Variants in ENTPD6 observed in about 807,000 individuals in gnomAD.
ENTPD6 encodes the protein ectonucleoside triphosphate diphosphohydrolase 6.
In ENTPD6, 46 loss-of-function variants were observed where a neutral mutation model predicts 61.5. The ratio of observed to expected loss-of-function variants is 0.75; its 90% CI spans 0.59 to 0.96. The LOEUF is 0.96. ENTPD6 is among the 40% of genes least tolerant of loss of function. The pLI is 0.00. For synonymous variants in ENTPD6, 252 were observed against 255.5 expected (o/e 0.99, Z 0.13); for missense variants, 612 against 629.0 (o/e 0.97, Z 0.29).
chr20:25,206,388 A>G (rs1013925422), intron 1 of ENTPD6, 134 bp from the exon 2 acceptor site: 19 of 672,566 alleles, frequency 2.8e-5, no homozygotes, highest in Admixed American at 2.4e-5. Context: ...GGAGCAGCCA[A>G]TGAAACTTGA....
intron 3 of ENTPD6, among the ~76,000 whole-genome samples, chr20:25,209,057 C>T (rs1351902781): frequency 2.6e-5 from 4 of 151,542 alleles, no homozygotes; most frequent in Non-Finnish European, 4.4e-5. Flanking sequence ...GCTGGGACTA[C>T]AGATGCCCAT....
intron 3 of ENTPD6, among the ~76,000 whole-genome samples, chr20:25,209,321 A>G (rs1438574376): frequency 6.6e-6 from 1 of 151,722 alleles, no homozygotes; most frequent in African/African-American, 2.4e-5. Context: ...CATATTCGCC[A>G]GGATGGTCTC....
chr20:25,195,788 G>A lies in ENTPD6; in HGVS notation c.-95G>A. Reference sequence around the variant, plus strand: ...CGGGGTGGCGCCGGCCGGGGCGGGGGAGCCCAAAAGACCGGCTGCCGCCTG... The same window carrying A: ...CGGGGTGGCGCCGGCCGGGGCGGGGAAGCCCAAAAGACCGGCTGCCGCCTG... On this transcript the variant is annotated 5_prime_UTR_variant, in exon 1 of 15. Transcript: ENST00000376652. The A allele has an allele frequency of 8.4e-7, 1 of 1,191,378 alleles. No homozygotes were observed. Among genetic ancestry groups the A allele is most frequent in the Non-Finnish European group, 1.1e-6 (1 of 943,724 alleles). 73.8% of individuals were successfully genotyped at this position (1,191,378 alleles called of 1,614,324 possible).
chr20:25,225,516 C>T lies in ENTPD6; in HGVS notation c.1374C>T (p.Asp458=). Residue 458 remains aspartate, a synonymous_variant, in exon 15 of 15, where the codon GAC becomes GAT. Transcript: ENST00000376652. Reference sequence around the variant, plus strand: ...TTTTCAAGCTCACTCGGAAAATTGACAATGTTGAGACCAGCTGGGCTCTGG... The same window carrying T: ...TTTTCAAGCTCACTCGGAAAATTGATAATGTTGAGACCAGCTGGGCTCTGG... ...SKVLKLTRKI[D]NVETSWALGA... is the part of the protein sequence containing the mutation. The T allele has an allele frequency of 1.2e-6, 2 of 1,613,928 alleles. No homozygotes were observed. The highest frequency in any genetic ancestry group is 1.7e-6 in the Non-Finnish European group (2 of 1,179,890).
In ENTPD6 at chr20:25,227,260, AAC is replaced by A. The variant is rs1206507641; in HGVS notation, c.*1665_*1666del. ...GGAAAGGACAAAAGACAAAAAGAGG[AAC>A]AGTTTCCTCCCTCCCGCCTGGGCTG... On this transcript the variant is annotated 3_prime_UTR_variant, in exon 15 of 15. Coordinates refer to ENST00000376652, the MANE Select transcript of ENTPD6 (RefSeq NM_001247.5). 6.6e-6 allele frequency among the ~76,000 whole-genome samples: 1 copy of A among 152,328 alleles called. No homozygotes were observed. The highest frequency in any genetic ancestry group is 2.4e-5 in the African/African-American group (1 of 41,572).
At chr20:25,212,332 C>T (rs2092021346) in intron 4 of ENTPD6, among the ~76,000 whole-genome samples, 1 of 152,224 alleles carries the variant, frequency 6.6e-6, no homozygotes, top group Non-Finnish European at 1.5e-5. Context: ...CCTAGTGCCA[C>T]ACCTTTGCAA....
In ENTPD6 at chr20:25,204,941, C is replaced by G. The variant is rs74986629; in HGVS notation, c.-15-1581C>G. 1.8e-3 allele frequency among the ~76,000 whole-genome samples: 269 copies of G among 152,272 alleles called. 1 individual carries two copies. Among genetic ancestry groups the G allele is most frequent in the African/African-American group, 5.9e-3 (245 of 41,544 alleles). The stretch of plus-strand genomic sequence containing the variant: ...TCCTATGCAATATTTTAACCAGTCT[C>G]TAGTTGTTTTTAGTGTTTCTCTGTG... On this transcript the variant is annotated intron_variant, in intron 1 of 14. Coordinates refer to ENST00000376652, the MANE Select transcript of ENTPD6 (RefSeq NM_001247.5).
In ENTPD6 at chr20:25,221,314, G is replaced by C; in HGVS notation, c.1026G>C (p.Arg342Ser). 3 of 1,614,184 alleles carry C rather than the reference G, an allele frequency of 1.9e-6. No individual in the cohort carries two copies. Among genetic ancestry groups the C allele is most frequent in the Non-Finnish European group, 2.5e-6 (3 of 1,180,020 alleles). The change falls in exon 11 of 15, where the codon AGG (arginine) becomes AGC (serine). Residue 342 changes from arginine to serine, a missense_variant. Physicochemically the swap from Arg to Ser is moderately radical, Grantham distance 110. Coordinates refer to ENST00000376652, the MANE Select transcript of ENTPD6 (RefSeq NM_001247.5). Reference protein sequence around the residue: ...GEWEHAEVTYRVSGQKAAASL... With the variant: ...GEWEHAEVTYSVSGQKAAASL... Reference sequence around the variant, plus strand: ...GGGAACACGCAGAAGTCACGTACAGGGTTTCAGGGCAGAAAGCAGGTACGG... The same window carrying C: ...GGGAACACGCAGAAGTCACGTACAGCGTTTCAGGGCAGAAAGCAGGTACGG...
In ENTPD6 at chr20:25,213,402, A is replaced by G. The variant is rs748763409; in HGVS notation, c.593A>G (p.Gln198Arg). 5.0e-6 allele frequency: 8 copies of G among 1,606,544 alleles called. No individual in the cohort carries two copies. The South Asian group carries it at 6.7e-5, about 13-fold the overall frequency. Reference protein sequence around the residue: ...LPGEKAQKLLQKVKKVFKASP... With the variant: ...LPGEKAQKLLRKVKKVFKASP... Reference sequence around the variant, plus strand: ...GGAGAAAAGGCCCAGAAGTTACTGCAGAAGGTGAGCCTGGCCATTCCCCAG... The same window carrying G: ...GGAGAAAAGGCCCAGAAGTTACTGCGGAAGGTGAGCCTGGCCATTCCCCAG... The change falls in exon 5 of 15, where the codon CAG (glutamine) becomes CGG (arginine). Residue 198 changes from glutamine (Q) to arginine (R), a missense_variant. Physicochemically the swap from Gln to Arg is conservative, Grantham distance 43 (BLOSUM62 1). Transcript: ENST00000376652.
chr20:25,206,556 A>G lies in ENTPD6; in HGVS notation c.20A>G (p.Tyr7Cys). The G allele has an allele frequency of 6.2e-7, 1 of 1,613,888 alleles. No homozygotes were observed. The highest frequency in any genetic ancestry group is 1.3e-5 in the African/African-American group (1 of 75,076). The part of the protein sequence containing the change: MKKGIR[Y>C]ETSRKTSYIF... ...ATGTGAATGAAAAAAGGTATCCGTT[A>G]TGAAACTTCCAGAAAAACGAGCTAC... is the stretch of plus-strand genomic sequence containing the variant. Residue 7 changes from tyrosine (Y) to cysteine (C), a missense_variant, in exon 2 of 15, where the codon TAT (tyrosine) becomes TGT (cysteine). Tyr to Cys is a radical substitution (Grantham distance 194). Coordinates refer to ENST00000376652, the MANE Select transcript of ENTPD6 (RefSeq NM_001247.5).
chr20:25,216,906 A>G (rs2092350180), intron 8 of ENTPD6, among the ~76,000 whole-genome samples, 170 bp downstream of exon 8: 1 of 152,196 alleles, frequency 6.6e-6, no homozygotes, highest in South Asian at 2.1e-4. Flanking sequence ...TCACTCACAG[A>G]TGATGCTTCT....
chr20:25,214,477 A>G (rs965842467), intron 5 of ENTPD6, among the ~76,000 whole-genome samples: 1 of 152,172 alleles, frequency 6.6e-6, no homozygotes, highest in Non-Finnish European at 1.5e-5. Context: ...AGCTTCCCCC[A>G]GTCTATGCAG....
At chr20:25,218,243 G>A (rs1317993265) in intron 9 of ENTPD6, among the ~76,000 whole-genome samples, 1 of 152,226 alleles carries the variant, frequency 6.6e-6, no homozygotes, top group Admixed American at 6.5e-5. Flanking sequence ...CTATTGCCAC[G>A]TGCAGTCTTC....
chr20:25,213,671 C>T (rs999678162), intron 5 of ENTPD6, among the ~76,000 whole-genome samples: 5 of 152,152 alleles, frequency 3.3e-5, no homozygotes, highest in African/African-American at 4.8e-5. Flanking sequence ...TACTGTGGGC[C>T]GGGCATGGTG....
intron 14 of ENTPD6, 24 bp downstream of exon 14, chr20:25,225,341 C>A: frequency 6.2e-7 from 1 of 1,611,680 alleles, no homozygotes; most frequent in Non-Finnish European, 8.5e-7. Context: ...CAGGTCACGC[C>A]CCAGCCCCTT....
intron 4 of ENTPD6, 96 bp downstream of exon 4, chr20:25,210,021 G>C: frequency 8.7e-7 from 1 of 1,153,452 alleles, no homozygotes; most frequent in South Asian, 1.2e-5. Context: ...CACAAAGGAA[G>C]GGGGCTTTGA....
At chr20:25,207,544 T>C (rs577655118) in intron 3 of ENTPD6, 147 bp downstream of exon 3, 20 of 717,934 alleles carry the variant, frequency 2.8e-5, no homozygotes, top group African/African-American at 2.0e-4. Context: ...GGTCCAAGCA[T>C]CTGAATTTCC....
chr20:25,202,769 A>G (rs1018478664), intron 1 of ENTPD6, among the ~76,000 whole-genome samples: 2 of 152,230 alleles, frequency 1.3e-5, no homozygotes, highest in African/African-American at 2.4e-5. Flanking sequence ...TTATGCATAT[A>G]TCTTTTAAAT....
intron 1 of ENTPD6, 149 bp downstream of exon 1, chr20:25,196,016 C>T: frequency 1.2e-6 from 1 of 818,984 alleles, no homozygotes; most frequent in Non-Finnish European, 1.6e-6. Flanking sequence ...CCTGTCCAGG[C>T]TCCATTAGGG....
Sources: gnomAD v4.1 joint callset for allele counts (sites outside exome capture counted in the v4.1 genomes callset) on GRCh38, gnomAD v4.1.1 for gene constraint, MANE v1.5 for transcripts, NCBI Gene and HGNC (gene_info 2026-07-23, HGNC 2026-07-21) for gene names.